Variants in MARCHF3 observed in about 807,000 individuals in gnomAD.
MARCHF3 encodes the protein membrane associated ring-CH-type finger 3.
Under a neutral mutation model 24.2 loss-of-function variants are expected in MARCHF3, and 13 were observed. The observed-to-expected ratio is 0.54, with a 90% CI of 0.35 to 0.85. MARCHF3 has a LOEUF of 0.85. Ranked by LOEUF, MARCHF3 falls within the 40% of genes least tolerant of loss-of-function variation. The pLI, the probability that MARCHF3 is intolerant of heterozygous loss-of-function variation, is 0.01. For missense variants in MARCHF3, 276 were observed against 325.0 expected, an observed-to-expected ratio of 0.85 and a Z score of 1.16; for synonymous variants, 144 against 137.3, an observed-to-expected ratio of 1.05 and a Z score of -0.34.
At chr5:127,015,076 A>G (rs1049781514) in intron 1 of MARCHF3, among the ~76,000 whole-genome samples, 1 of 152,220 alleles carries the variant, frequency 6.6e-6, no homozygotes, top group Non-Finnish European at 1.5e-5. Flanking sequence ...AAACATCACT[A>G]TGTACCCCAT....
chr5:126,920,748 C>CTCA (rs1191428120), intron 1 of MARCHF3, among the ~76,000 whole-genome samples: 1 of 152,088 alleles, frequency 6.6e-6, no homozygotes, highest in Non-Finnish European at 1.5e-5. Flanking sequence ...AGATTAAGTC[C>CTCA]TCATCAAAGG....
chr5:126,992,754 G>A (rs1057499663), intron 1 of MARCHF3, among the ~76,000 whole-genome samples: 1 of 145,278 alleles, frequency 6.9e-6, no homozygotes. Flanking sequence ...TCCTCTTTTT[G>A]ACATCCACGT....
chr5:126,963,353 T>C (rs1413440099), intron 1 of MARCHF3, among the ~76,000 whole-genome samples: 1 of 151,870 alleles, frequency 6.6e-6, no homozygotes, highest in Non-Finnish European at 1.5e-5. Flanking sequence ...TGTTTGTTAT[T>C]TTTGTAGGAA....
At chr5:126,975,303 A>C (rs974220782) in intron 1 of MARCHF3, among the ~76,000 whole-genome samples, 1 of 152,160 alleles carries the variant, frequency 6.6e-6, no homozygotes, top group Non-Finnish European at 1.5e-5. Context: ...TTACATTTTC[A>C]TGTGTTCACA....
At chr5:126,873,521 A>C (rs565191307) in intron 4 of MARCHF3, among the ~76,000 whole-genome samples, 1 of 152,288 alleles carries the variant, frequency 6.6e-6, no homozygotes, top group East Asian at 1.9e-4. Flanking sequence ...GCTTGTTAGA[A>C]TATCAGAATT....
At chr5:127,010,359 G>A (rs534531244) in intron 1 of MARCHF3, among the ~76,000 whole-genome samples, 2 of 152,252 alleles carry the variant, frequency 1.3e-5, no homozygotes, top group East Asian at 3.9e-4. Flanking sequence ...TACACTCCTG[G>A]ATATTTTCCA....
intron 1 of MARCHF3, among the ~76,000 whole-genome samples, chr5:126,935,004 C>T (rs1324479477): frequency 3.9e-5 from 6 of 152,172 alleles, no homozygotes; most frequent in Admixed American, 3.9e-4. Flanking sequence ...ATCATTACTT[C>T]CATATTCAGA....
chr5:126,941,669 C>T (rs988272478), intron 1 of MARCHF3, among the ~76,000 whole-genome samples: 1 of 152,090 alleles, frequency 6.6e-6, no homozygotes, highest in Non-Finnish European at 1.5e-5. Flanking sequence ...TGGGTCTGAC[C>T]CCAGGAAAGC....
chr5:127,022,403 T>C (rs1752834155), intron 1 of MARCHF3, among the ~76,000 whole-genome samples: 1 of 152,158 alleles, frequency 6.6e-6, no homozygotes, highest in African/African-American at 2.4e-5. Context: ...GACAACAGTA[T>C]TGGAAGTTGG....
At chr5:126,956,684 CA>C (rs1750460012) in intron 1 of MARCHF3, among the ~76,000 whole-genome samples, 2 of 108,630 alleles carry the variant, frequency 1.8e-5, no homozygotes, top group South Asian at 6.3e-4. Flanking sequence ...AAAAAAACAA[CA>C]ACAAAAACAA....
intron 3 of MARCHF3, among the ~76,000 whole-genome samples, chr5:126,900,580 C>T (rs1252852465): frequency 6.8e-6 from 1 of 147,748 alleles, no homozygotes. Flanking sequence ...GTGAGAAATA[C>T]ATTTCTGTTG....
chr5:126,924,348 C>A (rs1051813738), intron 1 of MARCHF3, among the ~76,000 whole-genome samples: 1 of 152,140 alleles, frequency 6.6e-6, no homozygotes, highest in Non-Finnish European at 1.5e-5. Flanking sequence ...ACGTGGGGAG[C>A]ACAGCCTTCT....
chr5:126,916,003 G>A (rs932469225), intron 2 of MARCHF3, among the ~76,000 whole-genome samples: 1 of 152,208 alleles, frequency 6.6e-6, no homozygotes, highest in East Asian at 1.9e-4. Flanking sequence ...TGATGACAGT[G>A]AGCATGTGAA....
chr5:126,885,394 C>A (rs1753476631), intron 3 of MARCHF3, among the ~76,000 whole-genome samples: 1 of 151,822 alleles, frequency 6.6e-6, no homozygotes, highest in Admixed American at 6.6e-5. Flanking sequence ...ATGGTAAAAC[C>A]CCATCTCTAC....
intron 1 of MARCHF3, among the ~76,000 whole-genome samples, chr5:127,006,384 T>C (rs904722633): frequency 1.7e-4 from 26 of 152,188 alleles, no homozygotes; most frequent in African/African-American, 5.6e-4. Context: ...GTTCAATTTA[T>C]TTTACATAGC....
intron 3 of MARCHF3, among the ~76,000 whole-genome samples, chr5:126,909,361 C>G (rs1233137356): frequency 6.6e-6 from 1 of 152,234 alleles, no homozygotes; most frequent in African/African-American, 2.4e-5. Context: ...GTTCAAGCTT[C>G]CCGGCTGCTT....
chr5:127,009,862 G>A (rs147744668), intron 1 of MARCHF3, among the ~76,000 whole-genome samples: 2 of 152,274 alleles, frequency 1.3e-5, no homozygotes, highest in East Asian at 1.9e-4. Flanking sequence ...CTAGTAACCT[G>A]GTGAGTATTA....
At chr5:126,966,361 A>T (rs116805574) in intron 1 of MARCHF3, among the ~76,000 whole-genome samples, 1,687 of 152,258 alleles carry the variant, frequency 0.011, 38 homozygotes, top group African/African-American at 0.039. Flanking sequence ...TTGATTTTTT[A>T]AAAAATATAA....
chr5:126,975,411 C>T (rs1410448624), intron 1 of MARCHF3, among the ~76,000 whole-genome samples: 1 of 152,150 alleles, frequency 6.6e-6, no homozygotes, highest in African/African-American at 2.4e-5. Context: ...GTTTGATATA[C>T]ATTGTACAAG....
Sources: allele counts gnomAD v4.1 joint callset (sites outside exome capture counted in the v4.1 genomes callset), GRCh38; gene constraint gnomAD v4.1.1; transcripts MANE v1.5; gene names NCBI Gene and HGNC (gene_info 2026-07-23, HGNC 2026-07-21).